SUPT3H: variants seen among roughly 807,000 people sequenced by gnomAD.
SUPT3H encodes the protein SPT3 homolog, SAGA and STAGA complex component, also known as transcription initiation protein SPT3 homolog.
SUPT3H carries 44 observed loss-of-function variants against 44.3 expected under a neutral mutation model. That is an observed-to-expected ratio of 0.99 (90% CI 0.78 to 1.28). SUPT3H has a LOEUF of 1.28. SUPT3H is among the 50% of genes most tolerant of loss of function. The pLI is 0.00. For synonymous variants in SUPT3H, 124 were observed against 125.6 expected, an observed-to-expected ratio of 0.99 and a Z score of 0.09; for missense variants, 380 against 387.1, an observed-to-expected ratio of 0.98 and a Z score of 0.15.
intron 3 of SUPT3H, among the ~76,000 whole-genome samples, chr6:45,040,326 G>A (rs1392118682): frequency 6.6e-6 from 1 of 152,042 alleles, no homozygotes; most frequent in Non-Finnish European, 1.5e-5. Flanking sequence ...TTATATAGTG[G>A]GAGGAAAAAT....
At chr6:44,825,572 G>A (rs1392081617), downstream of SUPT3H, among the ~76,000 whole-genome samples, 1 of 152,210 alleles carries the variant, frequency 6.6e-6, no homozygotes, top group Non-Finnish European at 1.5e-5. Context: ...TCTCCTGCCT[G>A]TGGGCAACAG....
At chr6:45,229,960 CT>C (rs1437402185) in intron 2 of SUPT3H, among the ~76,000 whole-genome samples, 1 of 152,114 alleles carries the variant, frequency 6.6e-6, no homozygotes, top group Non-Finnish European at 1.5e-5. Flanking sequence ...CATAACCAAC[CT>C]CTATTCATGG....
At chr6:44,997,546 T>G (rs886811297) in intron 6 of SUPT3H, among the ~76,000 whole-genome samples, 8 of 151,852 alleles carry the variant, frequency 5.3e-5, no homozygotes, top group African/African-American at 1.2e-4. Context: ...AATGAAGACT[T>G]TTACTGGCTT....
At chr6:45,084,509 G>A (rs1301690450) in intron 3 of SUPT3H, among the ~76,000 whole-genome samples, 4 of 152,274 alleles carry the variant, frequency 2.6e-5, no homozygotes, top group Non-Finnish European at 5.9e-5. Context: ...TTCATACACT[G>A]CTGGTAGGAA....
At chr6:45,041,964 A>G (rs1002694812) in intron 3 of SUPT3H, among the ~76,000 whole-genome samples, 2 of 152,232 alleles carry the variant, frequency 1.3e-5, no homozygotes, top group African/African-American at 4.8e-5. Context: ...AAAGTGAAGC[A>G]TAAGTGTGCA....
At chr6:45,111,676 G>A (rs1800088148) in intron 2 of SUPT3H, among the ~76,000 whole-genome samples, 2 of 152,032 alleles carry the variant, frequency 1.3e-5, no homozygotes, top group Admixed American at 6.6e-5. Context: ...AATAGCATAT[G>A]GGAAATTTAT....
At chr6:44,902,779 A>C (rs780131337) in intron 10 of SUPT3H, among the ~76,000 whole-genome samples, 1 of 152,196 alleles carries the variant, frequency 6.6e-6, no homozygotes, top group Non-Finnish European at 1.5e-5. Flanking sequence ...CATAGTTGGA[A>C]GCAAAACACT....
intron 5 of SUPT3H, among the ~76,000 whole-genome samples, chr6:45,006,450 A>G (rs1281025205): frequency 2.6e-5 from 4 of 151,916 alleles, no homozygotes; most frequent in Non-Finnish European, 5.9e-5. Flanking sequence ...ATTGTAATAT[A>G]CTTTTCTATT....
chr6:44,991,779 A>G (rs542187951), intron 6 of SUPT3H, among the ~76,000 whole-genome samples: 6 of 152,296 alleles, frequency 3.9e-5, no homozygotes, highest in African/African-American at 1.4e-4. Context: ...ACATAAAGAA[A>G]TGGGGGAAAT....
At chr6:45,078,934 G>A (rs912446249) in intron 3 of SUPT3H, among the ~76,000 whole-genome samples, 41 of 152,102 alleles carry the variant, frequency 2.7e-4, no homozygotes, top group African/African-American at 9.4e-4. Context: ...TTTTTCACTT[G>A]AATCTAACAT....
chr6:45,193,831 C>G (rs1295288867), intron 2 of SUPT3H, among the ~76,000 whole-genome samples: 1 of 152,166 alleles, frequency 6.6e-6, no homozygotes, highest in Non-Finnish European at 1.5e-5. Context: ...GATTGCAATA[C>G]AGAATTCTTA....
chr6:45,247,820 C>CTTAT (rs1249484623), intron 2 of SUPT3H, among the ~76,000 whole-genome samples: 1 of 151,898 alleles, frequency 6.6e-6, no homozygotes, highest in Admixed American at 6.6e-5. Flanking sequence ...CATTTTCTGA[C>CTTAT]TTATTACAAA....
At chr6:45,051,756 G>A (rs1271071890) in intron 3 of SUPT3H, among the ~76,000 whole-genome samples, 1 of 152,146 alleles carries the variant, frequency 6.6e-6, no homozygotes, top group Non-Finnish European at 1.5e-5. Flanking sequence ...AGGGTACTAA[G>A]TACATATGCA....
chr6:45,211,500 A>G (rs1764072302), intron 2 of SUPT3H, among the ~76,000 whole-genome samples: 1 of 152,198 alleles, frequency 6.6e-6, no homozygotes, highest in African/African-American at 2.4e-5. Flanking sequence ...CAAGTAGAGG[A>G]CAACGAACAC....
intron 2 of SUPT3H, among the ~76,000 whole-genome samples, chr6:45,284,588 A>G (rs566149970): frequency 1.3e-5 from 2 of 152,164 alleles, no homozygotes; most frequent in African/African-American, 2.4e-5. Context: ...GCTCTGAAAT[A>G]GAGGCAATAA....
At chr6:44,813,218 A>G (rs1016838519) in intron 11 of SUPT3H, among the ~76,000 whole-genome samples, 6 of 152,172 alleles carry the variant, frequency 3.9e-5, no homozygotes, top group Non-Finnish European at 5.9e-5. Context: ...CAAGGTCTTG[A>G]TCTGTCATCC....
intron 10 of SUPT3H, among the ~76,000 whole-genome samples, chr6:44,931,390 C>T (rs1582575780): frequency 6.6e-6 from 1 of 151,702 alleles, no homozygotes; most frequent in East Asian, 1.9e-4. Context: ...TTTTCACTCT[C>T]AGTTGGTTTT....
intron 11 of SUPT3H, among the ~76,000 whole-genome samples, chr6:44,820,023 G>T (rs1767186197): frequency 6.6e-6 from 1 of 151,872 alleles, no homozygotes; most frequent in Non-Finnish European, 1.5e-5. Flanking sequence ...AGGAATTCAA[G>T]ACCAGCCTGG....
chr6:45,152,617 G>A (rs1285025), intron 2 of SUPT3H, among the ~76,000 whole-genome samples: 130,782 of 152,116 alleles, frequency 0.86, 56,435 homozygotes, highest in African/African-American at 0.88. Flanking sequence ...TCAGCCTCCC[G>A]AGTAACTAGA....
Sources: allele counts gnomAD v4.1 joint callset (sites outside exome capture counted in the v4.1 genomes callset), GRCh38; gene constraint gnomAD v4.1.1; transcripts MANE v1.5; gene names NCBI Gene and HGNC (gene_info 2026-07-23, HGNC 2026-07-21).